Variants in ANGPTL1 observed in about 807,000 individuals in gnomAD.
ANGPTL1 encodes angiopoietin-related protein 1.
ANGPTL1 carries 36 observed loss-of-function variants against 46.7 expected under a neutral mutation model. The ratio of observed to expected loss-of-function variants is 0.77; its 90% CI spans 0.59 to 1.02. The LOEUF is 1.02. ANGPTL1 is among the 50% of genes least tolerant of loss of function. ANGPTL1 has a pLI of 0.00. For synonymous variants in ANGPTL1, 221 were observed against 204.3 expected, an observed-to-expected ratio of 1.08 and a Z score of -0.69; for missense variants, 571 against 594.7, an observed-to-expected ratio of 0.96 and a Z score of 0.41.
chr1:178,852,976 G>C, intron 4 of ANGPTL1, 23 bp from the exon 5 acceptor site: 2 of 1,590,650 alleles, frequency 1.3e-6, no homozygotes, highest in East Asian at 2.2e-5. Flanking sequence ...GAAGAAACAT[G>C]AGTGCATAAA....
chr1:178,867,905 T>C (rs374426072), intron 2 of ANGPTL1, among the ~76,000 whole-genome samples: 70 of 152,134 alleles, frequency 4.6e-4, no homozygotes, highest in East Asian at 4.5e-3. Context: ...TAAAACCATG[T>C]TCCTTTTTTG....
Position 178,865,297 on chromosome 1 carries a change from AT to A in ANGPTL1, c.479del (p.Asn160MetfsTer7), listed in dbSNP as rs752742371. Reference sequence around the variant, plus strand: ...CCATCTTCAACATTTCTGTGGTGACATTGAGGATTTTGTTTTCCAGTTGGGA... The same window carrying A: ...CCATCTTCAACATTTCTGTGGTGACATGAGGATTTTGTTTTCCAGTTGGGA... ...ELSQLENKIL[N>X]VTTEMLKMAT... On this transcript the variant is annotated frameshift_variant, in exon 3 of 6. Transcript: ENST00000234816. LOFTEE classifies it high-confidence loss of function. 2.5e-6 allele frequency: 4 copies of A among 1,614,068 alleles called. No homozygotes were observed. The South Asian group carries it at 3.3e-5, about 13-fold the overall frequency.
chr1:178,860,758 G>A (rs1308545693), intron 3 of ANGPTL1, among the ~76,000 whole-genome samples: 2 of 152,044 alleles, frequency 1.3e-5, no homozygotes, highest in Admixed American at 1.3e-4. Flanking sequence ...TTCACCTTAT[G>A]CATGTGGAGA....
At chr1:178,862,927 C>T (rs1259551434) in intron 3 of ANGPTL1, among the ~76,000 whole-genome samples, 4 of 152,276 alleles carry the variant, frequency 2.6e-5, no homozygotes, top group African/African-American at 4.8e-5. Context: ...AACAGAGTTA[C>T]ACCAGTTGGC....
intron 3 of ANGPTL1, among the ~76,000 whole-genome samples, chr1:178,863,847 T>C (rs1335069068): frequency 6.6e-6 from 1 of 152,248 alleles, no homozygotes; most frequent in Non-Finnish European, 1.5e-5. Flanking sequence ...CGAAGTGGTA[T>C]TCACTGACAG....
In ANGPTL1 at chr1:178,865,648, T is replaced by G; in HGVS notation, c.129A>C (p.Lys43Asn). Residue 43 changes from lysine to asparagine, a missense_variant, in exon 3 of 6, where the codon AAA (lysine) becomes AAC (asparagine). By Grantham distance (94) the Lys-to-Asn change is moderately conservative. Transcript: ENST00000234816. ...TGTATGCACATTTCTTTGCTTCCTCTTTACCATCTGTGGCACGAGGGTATC... is the reference window on the plus strand; with the variant it reads ...TGTATGCACATTTCTTTGCTTCCTCGTTACCATCTGTGGCACGAGGGTATC... ...QRRYPRATDG[K>N]EEAKKCAYTF... is the part of the protein sequence containing the mutation. The G allele has an allele frequency of 6.2e-7, 1 of 1,614,072 alleles. No individual in the cohort carries two copies. The highest frequency in any genetic ancestry group is 1.1e-5 in the South Asian group (1 of 91,074).
intron 3 of ANGPTL1, among the ~76,000 whole-genome samples, chr1:178,854,926 C>G (rs1657427819): frequency 6.6e-6 from 1 of 152,098 alleles, no homozygotes; most frequent in Non-Finnish European, 1.5e-5. Context: ...TCATCCTTCT[C>G]CAGTGTTTCG....
rs751357250 is a variant in ANGPTL1 at position 178,852,765 on chromosome 1, G to A, written c.1206C>T (p.Tyr402=). 6 of 1,613,692 alleles carry A rather than the reference G, an allele frequency of 3.7e-6. No individual in the cohort carries two copies. Among genetic ancestry groups the A allele is most frequent in the Non-Finnish European group, 5.1e-6 (6 of 1,179,852 alleles). The change falls in exon 5 of 6, where the codon TAC becomes TAT. Residue 402 remains tyrosine (Y), a synonymous_variant. Transcript: ENST00000234816. ...SEFYRLRLGT[Y]QGNAGDSMMW... ...TCATAGAATCCCCTGCATTTCCCTG[G>A]TAAGTTCCCAGGCGCAGTCTATAGA...
chr1:178,863,670 A>G (rs963318265), intron 3 of ANGPTL1, among the ~76,000 whole-genome samples: 2 of 151,698 alleles, frequency 1.3e-5, no homozygotes, highest in African/African-American at 2.4e-5. Context: ...TTCAGGAATC[A>G]TCTGAGCAGT....
At chr1:178,858,686 A>G (rs920738838) in intron 3 of ANGPTL1, among the ~76,000 whole-genome samples, 4 of 152,214 alleles carry the variant, frequency 2.6e-5, no homozygotes, top group Non-Finnish European at 4.4e-5. Context: ...TCTGATTTAT[A>G]GAAAGAAAAA....
At chr1:178,858,571 G>A (rs1657745079) in intron 3 of ANGPTL1, among the ~76,000 whole-genome samples, 1 of 152,102 alleles carries the variant, frequency 6.6e-6, no homozygotes, top group South Asian at 2.1e-4. Flanking sequence ...TCTCAAAGCA[G>A]GCAACTGGAA....
chr1:178,859,404 T>C (rs12125044), intron 3 of ANGPTL1, among the ~76,000 whole-genome samples: 13,073 of 121,956 alleles, frequency 0.11, 629 homozygotes, highest in African/African-American at 0.21. Context: ...AGTTTAACTT[T>C]TTTTTTTTTT....
At chr1:178,854,711 C>G (rs1657413485) in intron 3 of ANGPTL1, among the ~76,000 whole-genome samples, 3 of 152,136 alleles carry the variant, frequency 2.0e-5, no homozygotes, top group Non-Finnish European at 2.9e-5. Context: ...AGACATAAAT[C>G]CTTGTCTAAT....
chr1:178,863,644 A>G (rs1014925324), intron 3 of ANGPTL1, among the ~76,000 whole-genome samples: 1 of 152,204 alleles, frequency 6.6e-6, no homozygotes, highest in Admixed American at 6.5e-5. Context: ...TGGTTAAATC[A>G]GGAGGGAGAG....
rs140833884 is a variant in ANGPTL1, at chr1:178,851,034, ATAAAT to A, written c.*90_*94del. ...CATTTTAAAAACTTTCTGTGTAGAA[ATAAAT>A]TGTGCCAAGTAATATACATGTAACA... On this transcript the variant is annotated 3_prime_UTR_variant, in exon 6 of 6. Transcript: ENST00000234816. 1,350 of 1,191,610 alleles carry A rather than the reference ATAAAT, an allele frequency of 1.1e-3. 15 individuals carry two copies. In the African/African-American group the frequency reaches 0.019, roughly 17 times the overall value. The allele number at this position is 1,191,610 out of a possible 1,614,324, so 73.8% of individuals were successfully genotyped here.
intron 3 of ANGPTL1, among the ~76,000 whole-genome samples, chr1:178,860,054 A>G (rs569066137): frequency 7.9e-5 from 12 of 152,212 alleles, no homozygotes; most frequent in African/African-American, 1.2e-4. Flanking sequence ...GACCCCAGAA[A>G]GCTTTGCCAG....
chr1:178,849,888 A>G lies in ANGPTL1; in HGVS notation c.*1241T>C, dbSNP rs2102287135. On this transcript the variant is annotated 3_prime_UTR_variant, in exon 6 of 6. Transcript: ENST00000234816. ...CGAGGTTTTCTTTTTGCTTAAGCAA[A>G]AGTTTCATGAGCTATCTTTAAAATT... is the stretch of plus-strand genomic sequence containing the variant. 1 of 152,338 alleles carries G rather than the reference A, an allele frequency of 6.6e-6. No individual in the cohort carries two copies. Among genetic ancestry groups the G allele is most frequent in the Admixed American group, 6.5e-5 (1 of 15,308 alleles). The allele number at this position is 152,338 out of a possible 1,614,324, so 9.4% of individuals were successfully genotyped here. A position where few individuals can be genotyped will look rare whatever the true frequency, so the allele number is the denominator to read the frequency against.
At chr1:178,862,600 TA>T (rs1658108775) in intron 3 of ANGPTL1, among the ~76,000 whole-genome samples, 1 of 136,880 alleles carries the variant, frequency 7.3e-6, no homozygotes, top group Non-Finnish European at 1.5e-5. Flanking sequence ...TTTTTTTATT[TA>T]TTTATTTATT....
chr1:178,857,064 A>C (rs1386049910), intron 3 of ANGPTL1, among the ~76,000 whole-genome samples: 1 of 152,214 alleles, frequency 6.6e-6, no homozygotes, highest in Non-Finnish European at 1.5e-5. Flanking sequence ...AGTAGGAAGG[A>C]AGGGTAAAGA....
Sources: allele counts gnomAD v4.1 joint callset (sites outside exome capture counted in the v4.1 genomes callset), GRCh38; gene constraint gnomAD v4.1.1; transcripts MANE v1.5; gene names NCBI Gene and HGNC (gene_info 2026-07-23, HGNC 2026-07-21).